Variants in EIF5B observed in about 807,000 individuals in gnomAD.
The protein encoded by EIF5B is eukaryotic translation initiation factor 5B, also known as eIF-5B.
EIF5B carries 47 observed loss-of-function variants against 147.5 expected under a neutral mutation model. That is an observed-to-expected ratio of 0.32 (90% CI 0.25 to 0.41). The LOEUF is 0.41. Ranked by LOEUF, EIF5B falls within the 10% of genes least tolerant of loss-of-function variation. The pLI is 1.00. For missense variants in EIF5B, 1,064 were observed against 1,413.2 expected, an observed-to-expected ratio of 0.75 and a Z score of 3.96; for synonymous variants, 455 against 456.2, an observed-to-expected ratio of 1.00 and a Z score of 0.03.
intron 1 of EIF5B, chr2:99,338,227 G>A: frequency 1.1e-6 from 1 of 939,870 alleles, no homozygotes; most frequent in Non-Finnish European, 1.5e-6. Context: ...AGGAAGGGAA[G>A]AAGAAGAAAC....
chr2:99,373,936 C>G (rs1574932194), intron 9 of EIF5B, among the ~76,000 whole-genome samples: 1 of 152,118 alleles, frequency 6.6e-6, no homozygotes, highest in Non-Finnish European at 1.5e-5. Context: ...ATGTTATCCT[C>G]TAACAATGCA....
At chr2:99,377,588 G>C (rs959706677) in intron 10 of EIF5B, among the ~76,000 whole-genome samples, 3 of 151,830 alleles carry the variant, frequency 2.0e-5, no homozygotes, top group Non-Finnish European at 4.4e-5. Flanking sequence ...ATGTTCGAGA[G>C]AGTGATGGAA....
At chr2:99,390,425 T>C (rs1474369329) in intron 16 of EIF5B, 24 bp downstream of exon 16, 6 of 1,527,868 alleles carry the variant, frequency 3.9e-6, no homozygotes. Flanking sequence ...TTTCAGTTTA[T>C]TGTTTTTTTT....
At chr2:99,399,159 T>TGGAATTCTA (rs1675141023) in intron 23 of EIF5B, 148 bp from the exon 24 acceptor site, 1 of 817,630 alleles carries the variant, frequency 1.2e-6, no homozygotes, top group African/African-American at 1.7e-5. Context: ...GATGTGATTT[T>TGGAATTCTA]GGAATTCTAC....
intron 21 of EIF5B, among the ~76,000 whole-genome samples, chr2:99,395,536 T>C (rs533179607): frequency 6.6e-6 from 1 of 152,318 alleles, no homozygotes; most frequent in East Asian, 1.9e-4. Context: ...GGTTTCGCCA[T>C]GTTGGCCAGG....
Position 99,361,783 on chromosome 2 carries a change from C to A in EIF5B, c.882C>A (p.Ala294=). ...KVTVDTGVIP[A]SEEKAETPTA... is the part of the protein sequence containing the mutation. ...CTGTTGATACTGGAGTAATTCCTGCCTCTGAAGAGAAAGCAGAGACTCCCA... is the reference window on the plus strand; with the variant it reads ...CTGTTGATACTGGAGTAATTCCTGCATCTGAAGAGAAAGCAGAGACTCCCA... The change falls in exon 4 of 24, where the codon GCC becomes GCA. Residue 294 remains alanine, a synonymous_variant. Transcript: ENST00000289371. 6.4e-7 allele frequency: 1 copy of A among 1,565,128 alleles called. No homozygotes were observed. Among genetic ancestry groups the A allele is most frequent in the Admixed American group, 2.2e-5 (1 of 44,780 alleles).
At chr2:99,386,550 G>A (rs2104239424) in intron 14 of EIF5B, among the ~76,000 whole-genome samples, 1 of 148,012 alleles carries the variant, frequency 6.8e-6, no homozygotes, top group South Asian at 2.1e-4. Context: ...TTTTTTTGGA[G>A]ACCATCTCTT....
intron 14 of EIF5B, among the ~76,000 whole-genome samples, chr2:99,384,537 G>A (rs553225277): frequency 1.3e-5 from 2 of 152,196 alleles, no homozygotes; most frequent in Non-Finnish European, 2.9e-5. Context: ...GCCATAGATC[G>A]AGATTCCTCT....
At chr2:99,348,095 G>A (rs540420662) in intron 1 of EIF5B, among the ~76,000 whole-genome samples, 26 of 152,074 alleles carry the variant, frequency 1.7e-4, no homozygotes, top group African/African-American at 3.1e-4. Flanking sequence ...TATCGGGGGC[G>A]TCTACAAGAT....
intron 1 of EIF5B, among the ~76,000 whole-genome samples, chr2:99,355,726 C>T (rs561730088): frequency 6.6e-6 from 1 of 151,130 alleles, no homozygotes; most frequent in South Asian, 2.1e-4. Flanking sequence ...AATTCTCCTG[C>T]CCCAGTCTCC....
At chr2:99,353,795 G>GTT (rs1674035891) in intron 1 of EIF5B, among the ~76,000 whole-genome samples, 4 of 152,112 alleles carry the variant, frequency 2.6e-5, no homozygotes, top group African/African-American at 9.7e-5. Flanking sequence ...ACCTTTTGAG[G>GTT]TTGGCTTCTT....
intron 1 of EIF5B, among the ~76,000 whole-genome samples, chr2:99,346,530 C>CT (rs1171459975): frequency 2.7e-5 from 4 of 147,764 alleles, no homozygotes; most frequent in African/African-American, 9.9e-5. Flanking sequence ...AGTACAGAGA[C>CT]TGAGTTTGCT....
At chr2:99,395,841 G>C (rs1381283725) in intron 21 of EIF5B, among the ~76,000 whole-genome samples, 4 of 152,160 alleles carry the variant, frequency 2.6e-5, no homozygotes. Flanking sequence ...AGAGTGACCA[G>C]AAGGGACAGT....
chr2:99,368,703 A>C, intron 7 of EIF5B, 112 bp downstream of exon 7: 1 of 748,288 alleles, frequency 1.3e-6, no homozygotes, highest in Non-Finnish European at 2.2e-6. Flanking sequence ...ATGCATATTG[A>C]AACTTATTTT....
In EIF5B at chr2:99,399,655, C is replaced by T. The variant is rs891264911; in HGVS notation, c.*241C>T. On this transcript the variant is annotated 3_prime_UTR_variant, in exon 24 of 24. Coordinates refer to ENST00000289371, the MANE Select transcript of EIF5B (RefSeq NM_015904.4). ...CCTGTTCACTCACCTCTCCCTTCCCCAACCCTTCTCTACTTGGCTGCTGTT... is the reference window on the plus strand; with the variant it reads ...CCTGTTCACTCACCTCTCCCTTCCCTAACCCTTCTCTACTTGGCTGCTGTT... 2 of 425,498 alleles carry T rather than the reference C, an allele frequency of 4.7e-6. No individual in the cohort carries two copies. Among genetic ancestry groups the T allele is most frequent in the African/African-American group, 4.0e-5 (2 of 50,202 alleles). The allele number at this position is 425,498 out of a possible 1,614,324, so 26.4% of individuals were successfully genotyped here. A position where few individuals can be genotyped will look rare whatever the true frequency, so the allele number is the denominator to read the frequency against.
At position 99,363,963 on chromosome 2, in the gene EIF5B, G is replaced by T. The variant is rs764562903; in HGVS notation, c.1137+101G>T. The T allele has an allele frequency of 1.3e-4, 164 of 1,241,328 alleles. 1 individual carries two copies. Among genetic ancestry groups the T allele is most frequent in the Admixed American group, 1.7e-4 (7 of 40,722 alleles). The allele number at this position is 1,241,328 out of a possible 1,614,324, so 76.9% of individuals were successfully genotyped here. A position where few individuals can be genotyped will look rare whatever the true frequency, so the allele number is the denominator to read the frequency against. On this transcript the variant is annotated intron_variant, in intron 5 of 23. Transcript: ENST00000289371. ...TTCTAATTCTGAAAATTTCATAGTT[G>T]CATGGTAATTCAGTTATATTATTGT...
intron 1 of EIF5B, among the ~76,000 whole-genome samples, chr2:99,359,425 G>C (rs1674160014): frequency 1.3e-5 from 2 of 151,938 alleles, no homozygotes; most frequent in Non-Finnish European, 2.9e-5. Flanking sequence ...TCTCTTACAA[G>C]GTGTCCATTA....
intron 1 of EIF5B, among the ~76,000 whole-genome samples, chr2:99,339,289 A>G (rs1383294143): frequency 1.3e-5 from 2 of 152,068 alleles, no homozygotes; most frequent in Non-Finnish European, 2.9e-5. Context: ...CTGGGATTAC[A>G]GGCGTGATCC....
chr2:99,385,507 T>G (rs906187335), intron 14 of EIF5B, among the ~76,000 whole-genome samples: 5 of 152,200 alleles, frequency 3.3e-5, no homozygotes, highest in African/African-American at 1.2e-4. Context: ...GCAAAAAGAT[T>G]ATGACTTGTT....
Sources: allele counts gnomAD v4.1 joint callset (sites outside exome capture counted in the v4.1 genomes callset), GRCh38; gene constraint gnomAD v4.1.1; transcripts MANE v1.5; gene names NCBI Gene and HGNC (gene_info 2026-07-23, HGNC 2026-07-21).